Variants in FAM193A observed in about 807,000 individuals in gnomAD.
The protein encoded by FAM193A is protein FAM193A.
A neutral mutation model predicts 126.5 loss-of-function variants in FAM193A; 22 were observed. The ratio of observed to expected loss-of-function variants is 0.17; its 90% CI spans 0.12 to 0.25. The LOEUF (loss-of-function observed/expected upper bound fraction) is 0.25. Among genes scored for constraint, FAM193A ranks in the 10% least tolerant of loss-of-function variants. FAM193A has a pLI of 1.00. For missense variants in FAM193A, 1,675 were observed against 1,672.8 expected (o/e 1.00, Z -0.02); for synonymous variants, 761 against 646.8 (o/e 1.18, Z -2.68).
At chr4:2,726,292 G>A (rs942784737) in intron 20 of FAM193A, among the ~76,000 whole-genome samples, 5 of 152,108 alleles carry the variant, frequency 3.3e-5, no homozygotes, top group Non-Finnish European at 5.9e-5. Flanking sequence ...TATCTGCCTC[G>A]GCCTTCCAAA....
At chr4:2,696,723 A>C in intron 18 of FAM193A, 130 bp downstream of exon 18, 1 of 658,998 alleles carries the variant, frequency 1.5e-6, no homozygotes, top group Non-Finnish European at 2.6e-6. Flanking sequence ...CTTGCCCACA[A>C]CTTTGTTCTG....
intron 6 of FAM193A, among the ~76,000 whole-genome samples, chr4:2,642,455 T>A (rs998503310): frequency 6.6e-6 from 1 of 152,106 alleles, no homozygotes; most frequent in African/African-American, 2.4e-5. Context: ...GATTGGAAAG[T>A]CCTTACTCTG....
intron 2 of FAM193A, among the ~76,000 whole-genome samples, chr4:2,612,587 C>T (rs1741945066): frequency 6.6e-6 from 1 of 152,102 alleles, no homozygotes; most frequent in African/African-American, 2.4e-5. Flanking sequence ...GTCTATGAGC[C>T]ACCTTGAATG....
chr4:2,596,064 A>T lies in FAM193A; in HGVS notation c.256-20A>T. On this transcript the variant is annotated intron_variant, in intron 1 of 20. Coordinates refer to ENST00000637812, the MANE Select transcript of FAM193A (RefSeq NM_001366318.2). ...TTGTAGATGAGGTTTTGAAAATAGA[A>T]TTTTTTTTTTCTATTCCAGACTCCT... 1 of 650,790 alleles carries T rather than the reference A, an allele frequency of 1.5e-6. No homozygotes were observed. The highest frequency in any genetic ancestry group is 2.8e-6 in the Non-Finnish European group (1 of 356,772). The allele number at this position is 650,790 out of a possible 1,614,324, so 40.3% of individuals were successfully genotyped here.
chr4:2,692,623 A>G (rs2109273807), intron 15 of FAM193A, among the ~76,000 whole-genome samples: 1 of 152,352 alleles, frequency 6.6e-6, no homozygotes, highest in Non-Finnish European at 1.5e-5. Context: ...ATCCAAATCT[A>G]CCAAGACAAG....
chr4:2,591,689 C>A (rs188664846), intron 1 of FAM193A, among the ~76,000 whole-genome samples: 79 of 152,206 alleles, frequency 5.2e-4, no homozygotes, highest in African/African-American at 1.8e-3. Flanking sequence ...TCTGGGTTTT[C>A]ATGTTTAATT....
chr4:2,688,067 G>A (rs1715945535), intron 13 of FAM193A, among the ~76,000 whole-genome samples: 2 of 152,184 alleles, frequency 1.3e-5, no homozygotes, highest in Non-Finnish European at 2.9e-5. Flanking sequence ...AGGATGTGAT[G>A]ACCAGGTTGC....
intron 20 of FAM193A, among the ~76,000 whole-genome samples, chr4:2,724,067 CAA>C (rs1408236848): frequency 1.3e-5 from 2 of 150,152 alleles, no homozygotes; most frequent in African/African-American, 4.9e-5. Flanking sequence ...AGATAATTGA[CAA>C]AGTATTTTAT....
intron 1 of FAM193A, among the ~76,000 whole-genome samples, chr4:2,539,288 G>A (rs1024020602): frequency 6.6e-6 from 1 of 152,114 alleles, no homozygotes; most frequent in African/African-American, 2.4e-5. Flanking sequence ...GGCTGGCCTT[G>A]AGCTTGTGGG....
At chr4:2,607,040 A>G (rs1310155471) in intron 2 of FAM193A, among the ~76,000 whole-genome samples, 1 of 152,208 alleles carries the variant, frequency 6.6e-6, no homozygotes, top group Non-Finnish European at 1.5e-5. Context: ...TAAAATTGAC[A>G]TTTCACAGGT....
At chr4:2,687,657 C>A (rs1365267261) in intron 13 of FAM193A, among the ~76,000 whole-genome samples, 1 of 152,196 alleles carries the variant, frequency 6.6e-6, no homozygotes, top group East Asian at 1.9e-4. Flanking sequence ...CCTTCACTGC[C>A]ATTGCTTCAT....
chr4:2,729,695 C>G (rs1721164234), intron 20 of FAM193A, among the ~76,000 whole-genome samples: 1 of 152,196 alleles, frequency 6.6e-6, no homozygotes, highest in Non-Finnish European at 1.5e-5. Flanking sequence ...CGCTCAGCCT[C>G]TGCCCACCAG....
chr4:2,608,854 C>G (rs571408150), intron 2 of FAM193A, among the ~76,000 whole-genome samples: 90 of 151,476 alleles, frequency 5.9e-4, no homozygotes, highest in African/African-American at 2.0e-3. Flanking sequence ...AATCATCGAT[C>G]TCTCTCTTTA....
chr4:2,688,436 G>A (rs231705), intron 13 of FAM193A, among the ~76,000 whole-genome samples: 117,537 of 151,708 alleles, frequency 0.77, 45,651 homozygotes, highest in Admixed American at 0.86. Flanking sequence ...GAGTGTGGTA[G>A]CGAGCTGAGG....
At chr4:2,704,761 C>T (rs1416266239) in intron 19 of FAM193A, among the ~76,000 whole-genome samples, 1 of 152,092 alleles carries the variant, frequency 6.6e-6, no homozygotes, top group African/African-American at 2.4e-5. Flanking sequence ...AGTAAGCCCT[C>T]AGTGTAGTTT....
chr4:2,595,617 C>T (rs1197502249), intron 1 of FAM193A, among the ~76,000 whole-genome samples: 1 of 152,140 alleles, frequency 6.6e-6, no homozygotes, highest in Non-Finnish European at 1.5e-5. Flanking sequence ...CCATCAGCTC[C>T]CTGTTTATCT....
chr4:2,573,085 C>G (rs1263229364), intron 1 of FAM193A, among the ~76,000 whole-genome samples: 1 of 152,104 alleles, frequency 6.6e-6, no homozygotes, highest in Non-Finnish European at 1.5e-5. Flanking sequence ...GACTCAGTGT[C>G]AGATAAGCAG....
intron 7 of FAM193A, among the ~76,000 whole-genome samples, chr4:2,653,234 A>G (rs1202766920): frequency 6.6e-6 from 1 of 152,192 alleles, no homozygotes; most frequent in Non-Finnish European, 1.5e-5. Flanking sequence ...TTGAAGGTAA[A>G]CATTTATTTT....
chr4:2,689,730 G>GA, intron 14 of FAM193A, 26 bp downstream of exon 14: 1 of 1,524,784 alleles, frequency 6.6e-7, no homozygotes, highest in Non-Finnish European at 8.9e-7. Flanking sequence ...AAACTTTCTT[G>GA]AAGTTTTAAA....
Sources: gnomAD v4.1 joint callset for allele counts (sites outside exome capture counted in the v4.1 genomes callset) on GRCh38, gnomAD v4.1.1 for gene constraint, MANE v1.5 for transcripts, NCBI Gene and HGNC (gene_info 2026-07-23, HGNC 2026-07-21) for gene names.